Variants in ERC2 observed in about 807,000 individuals in gnomAD.
ERC2 encodes ELKS/RAB6-interacting/CAST family member 2.
In ERC2, 42 loss-of-function variants were observed where a neutral mutation model predicts 114.8. The observed-to-expected ratio is 0.37, with a 90% CI of 0.29 to 0.47. The LOEUF is 0.47. Among genes scored for constraint, ERC2 ranks in the 20% least tolerant of loss-of-function variants. The pLI is 0.99. For missense variants in ERC2, 939 were observed against 1,150.7 expected, an observed-to-expected ratio of 0.82 and a Z score of 2.66; for synonymous variants, 454 against 425.5, an observed-to-expected ratio of 1.07 and a Z score of -0.82.
chr3:55,589,777 C>A (rs2057783847), intron 17 of ERC2, among the ~76,000 whole-genome samples: 1 of 152,022 alleles, frequency 6.6e-6, no homozygotes, highest in Admixed American at 6.5e-5. Context: ...AAGAGGCAAG[C>A]CTCATTAGTC....
rs185551191 is a variant in ERC2, at chr3:56,304,098, A to G, written c.658-7663T>C. ...GTGACTCTCCAAAATTATCAACCAG[A>G]TCTGAAAAAGAATAAAAATATACAG... is the stretch of plus-strand genomic sequence containing the variant. On this transcript the variant is annotated intron_variant, in intron 2 of 17. Transcript: ENST00000288221. 3.5e-3 allele frequency among the ~76,000 whole-genome samples: 537 copies of G among 152,324 alleles called. 5 individuals are homozygous for G. Among genetic ancestry groups the G allele is most frequent in the Middle Eastern group, 0.027 (8 of 294 alleles).
intron 10 of ERC2, among the ~76,000 whole-genome samples, chr3:55,995,367 T>G (rs2071426431): frequency 6.6e-6 from 1 of 152,012 alleles, no homozygotes; most frequent in African/African-American, 2.4e-5. Flanking sequence ...ATCAAATGAA[T>G]AGACAACCTC....
chr3:56,107,272 T>C (rs1315421672), intron 6 of ERC2, among the ~76,000 whole-genome samples: 2 of 152,116 alleles, frequency 1.3e-5, no homozygotes, highest in Admixed American at 1.3e-4. Context: ...CTTTTTTTTT[T>C]TTTTTTGCTA....
intron 17 of ERC2, among the ~76,000 whole-genome samples, chr3:55,660,636 T>A (rs1452581114): frequency 6.6e-6 from 1 of 152,246 alleles, no homozygotes; most frequent in Non-Finnish European, 1.5e-5. Flanking sequence ...AGCAGGAGTT[T>A]AAATATCAGC....
At chr3:56,216,356 T>G (rs1225417399) in intron 3 of ERC2, among the ~76,000 whole-genome samples, 1 of 152,182 alleles carries the variant, frequency 6.6e-6, no homozygotes, top group Non-Finnish European at 1.5e-5. Context: ...CAGAGAATAC[T>G]ACAAACACCT....
intron 17 of ERC2, among the ~76,000 whole-genome samples, chr3:55,555,249 G>A (rs1014829905): frequency 6.6e-6 from 1 of 152,140 alleles, no homozygotes; most frequent in East Asian, 1.9e-4. Flanking sequence ...GGAAATTCTC[G>A]TTTAATTCAA....
intron 14 of ERC2, among the ~76,000 whole-genome samples, chr3:55,885,749 G>A (rs1026044215): frequency 2.6e-5 from 4 of 152,162 alleles, no homozygotes; most frequent in Admixed American, 2.0e-4. Context: ...TTCATTGGCT[G>A]ATAGTGCCAT....
intron 4 of ERC2, among the ~76,000 whole-genome samples, chr3:56,151,247 A>T (rs979599638): frequency 6.6e-6 from 1 of 152,226 alleles, no homozygotes; most frequent in Non-Finnish European, 1.5e-5. Context: ...TTGTATTTTT[A>T]GTAGTGACGG....
At chr3:55,601,250 T>C (rs959267859) in intron 17 of ERC2, among the ~76,000 whole-genome samples, 5 of 152,160 alleles carry the variant, frequency 3.3e-5, no homozygotes, top group African/African-American at 1.2e-4. Flanking sequence ...TTTGGAACAC[T>C]CTGAGCCAAA....
intron 11 of ERC2, among the ~76,000 whole-genome samples, chr3:55,989,102 C>T (rs963799715): frequency 5.3e-5 from 8 of 152,300 alleles, no homozygotes; most frequent in Admixed American, 1.3e-4. Flanking sequence ...ACGCAAGACA[C>T]GGGCAGGCAG....
intron 4 of ERC2, among the ~76,000 whole-genome samples, chr3:56,151,236 C>T (rs79987842): frequency 0.065 from 9,932 of 152,056 alleles, 434 homozygotes; most frequent in African/African-American, 0.12. Flanking sequence ...ACAACTAATT[C>T]TTGTATTTTT....
chr3:55,621,110 C>T (rs2059306844), intron 17 of ERC2, among the ~76,000 whole-genome samples: 1 of 152,146 alleles, frequency 6.6e-6, no homozygotes, highest in South Asian at 2.1e-4. Context: ...CATTTCCATT[C>T]TGTCCCCTTT....
intron 7 of ERC2, among the ~76,000 whole-genome samples, chr3:56,032,148 G>A (rs567804872): frequency 1.4e-4 from 21 of 152,302 alleles, no homozygotes; most frequent in African/African-American, 5.1e-4. Context: ...GAAGCAGCCT[G>A]AAGCCCTCAC....
chr3:56,281,883 T>A (rs1041443562), intron 3 of ERC2, among the ~76,000 whole-genome samples: 1 of 152,206 alleles, frequency 6.6e-6, no homozygotes, highest in Non-Finnish European at 1.5e-5. Flanking sequence ...ATAAGTGACA[T>A]GTAAAATGCC....
chr3:56,311,255 C>CTATA (rs67320179), intron 2 of ERC2, among the ~76,000 whole-genome samples: 14 of 79,058 alleles, frequency 1.8e-4, no homozygotes, highest in African/African-American at 5.1e-4. Context: ...CTCTCTCTCT[C>CTATA]TATATATATA....
intron 14 of ERC2, among the ~76,000 whole-genome samples, chr3:55,880,852 CAGG>C (rs1376171169): frequency 2.0e-5 from 3 of 150,324 alleles, no homozygotes; most frequent in African/African-American, 7.3e-5. Flanking sequence ...AAATTAAAGA[CAGG>C]ATTAGTGTAT....
At chr3:55,827,641 CA>C (rs1428613134) in intron 14 of ERC2, among the ~76,000 whole-genome samples, 3 of 152,134 alleles carry the variant, frequency 2.0e-5, no homozygotes, top group Admixed American at 6.5e-5. Flanking sequence ...CAATGTAAAT[CA>C]AGTTGTTGTT....
intron 17 of ERC2, among the ~76,000 whole-genome samples, chr3:55,641,063 A>G (rs566355414): frequency 1.3e-5 from 2 of 152,322 alleles, no homozygotes; most frequent in East Asian, 3.9e-4. Flanking sequence ...ACTGCTATAT[A>G]AGCATCTGGG....
chr3:56,016,804 C>T (rs1038355689), intron 8 of ERC2, among the ~76,000 whole-genome samples: 11 of 152,106 alleles, frequency 7.2e-5, no homozygotes, highest in African/African-American at 2.4e-4. Context: ...TAATTAATGG[C>T]TCCCCAGTTA....
Sources: allele counts gnomAD v4.1 joint callset (sites outside exome capture counted in the v4.1 genomes callset), GRCh38; gene constraint gnomAD v4.1.1; transcripts MANE v1.5; gene names NCBI Gene and HGNC (gene_info 2026-07-23, HGNC 2026-07-21).